CHCHD3: variants seen among roughly 807,000 people sequenced by gnomAD.
CHCHD3 encodes the protein MICOS complex subunit MIC19.
Under a neutral mutation model 38.2 loss-of-function variants are expected in CHCHD3, and 20 were observed. The observed-to-expected ratio is 0.52, with a 90% CI of 0.37 to 0.76. CHCHD3 has a LOEUF of 0.76. Ranked by LOEUF, CHCHD3 falls within the 30% of genes least tolerant of loss-of-function variation. The pLI is 0.00. For missense variants in CHCHD3, 245 were observed against 279.2 expected (o/e 0.88, Z 0.87); for synonymous variants, 82 against 100.0 (o/e 0.82, Z 1.07).
At chr7:132,924,545 T>C (rs1257240497) in intron 4 of CHCHD3, among the ~76,000 whole-genome samples, 2 of 152,104 alleles carry the variant, frequency 1.3e-5, no homozygotes, top group Non-Finnish European at 2.9e-5. Context: ...GTCTCACTGG[T>C]TCTGGTCATA....
chr7:133,024,619 C>T lies in CHCHD3; in HGVS notation c.178G>A (p.Glu60Lys), dbSNP rs1813284075. 1 of 1,610,996 alleles carries T rather than the reference C, an allele frequency of 6.2e-7. No individual in the cohort carries two copies. Among genetic ancestry groups the T allele is most frequent in the Admixed American group, 1.7e-5 (1 of 59,988 alleles). The change falls in exon 3 of 8, where the codon GAA becomes AAA. Residue 60 changes from glutamate to lysine, a missense_variant. By Grantham distance (56) the Glu-to-Lys change is moderately conservative. Coordinates refer to ENST00000262570, the MANE Select transcript of CHCHD3 (RefSeq NM_017812.4). ...SGAYGASVSDEELKRRVAEEL... is the reference protein window; with the variant it reads ...SGAYGASVSDKELKRRVAEEL... ...TCAGCTACTCTTCTTTTCAATTCTT[C>T]ATCAGAAACTAGAATCGATAAAGAG...
At position 132,944,691 on chromosome 7, in the gene CHCHD3, GA is replaced by G. The variant is rs1262381440; in HGVS notation, c.369+30477del. ...CTCCATCCTATCCATACACTCCCCA[GA>G]AGTATATATGCATGGTAAAAACAGG... On this transcript the variant is annotated intron_variant, in intron 4 of 7. Coordinates refer to ENST00000262570, the MANE Select transcript of CHCHD3 (RefSeq NM_017812.4). Among the ~76,000 whole-genome samples the G allele has an allele frequency of 2.0e-5, 3 of 151,802 alleles. No individual in the cohort carries two copies. In the East Asian group the frequency reaches 5.8e-4, roughly 29 times the overall value.
intron 4 of CHCHD3, among the ~76,000 whole-genome samples, chr7:132,888,942 TG>T (rs1809290743): frequency 1.3e-5 from 2 of 152,012 alleles, no homozygotes; most frequent in Non-Finnish European, 2.9e-5. Flanking sequence ...GTGTAAAGTA[TG>T]GTAAGATGTT....
chr7:132,953,033 C>T (rs1340362600), intron 4 of CHCHD3, among the ~76,000 whole-genome samples: 1 of 152,160 alleles, frequency 6.6e-6, no homozygotes, highest in Non-Finnish European at 1.5e-5. Flanking sequence ...CCTACTCTGG[C>T]CAGTGAAAGG....
At chr7:132,815,596 A>G (rs1303443489) in intron 6 of CHCHD3, 8 of 456,378 alleles carry the variant, frequency 1.8e-5, no homozygotes, top group Non-Finnish European at 3.1e-5. Context: ...CAAAATAAAG[A>G]GTCCTGTTTT....
intron 6 of CHCHD3, among the ~76,000 whole-genome samples, chr7:132,811,861 C>A (rs1807079011): frequency 6.6e-6 from 1 of 152,146 alleles, no homozygotes; most frequent in Non-Finnish European, 1.5e-5. Flanking sequence ...TCTCCCCTCT[C>A]TCCACAGACA....
chr7:133,068,534 A>G (rs1358106332), intron 2 of CHCHD3, among the ~76,000 whole-genome samples: 2 of 152,226 alleles, frequency 1.3e-5, no homozygotes, highest in Non-Finnish European at 2.9e-5. Flanking sequence ...CCACTGGGAC[A>G]TGACTTGACC....
At chr7:132,984,631 A>T (rs1173108880) in intron 3 of CHCHD3, among the ~76,000 whole-genome samples, 4 of 121,934 alleles carry the variant, frequency 3.3e-5, no homozygotes, top group African/African-American at 6.8e-5. Context: ...CGTCTCTGCC[A>T]GGCCGCCCAT....
At chr7:132,996,839 G>C (rs1200980050) in intron 3 of CHCHD3, among the ~76,000 whole-genome samples, 3 of 152,174 alleles carry the variant, frequency 2.0e-5, no homozygotes, top group Admixed American at 1.3e-4. Context: ...GGGACGCAAA[G>C]CAAGGGGAAG....
At chr7:132,820,618 T>G (rs113830282) in intron 6 of CHCHD3, among the ~76,000 whole-genome samples, 1,708 of 149,944 alleles carry the variant, frequency 0.011, 11 homozygotes, top group South Asian at 0.022. Flanking sequence ...AGTGTTTTTT[T>G]TTTTTTTTTT....
intron 2 of CHCHD3, chr7:133,051,998 C>G (rs928048710): frequency 1.3e-5 from 2 of 152,140 alleles, no homozygotes; most frequent in South Asian, 4.1e-4. Flanking sequence ...GGTAAAACAG[C>G]CAGTTGGTTA....
At chr7:132,930,162 A>ATTT (rs1810481250) in intron 4 of CHCHD3, among the ~76,000 whole-genome samples, 1 of 131,340 alleles carries the variant, frequency 7.6e-6, no homozygotes, top group African/African-American at 2.7e-5. Context: ...TCCCACTCCT[A>ATTT]ATTTTTTTTT....
At chr7:133,017,603 A>T (rs1248357636) in intron 3 of CHCHD3, among the ~76,000 whole-genome samples, 1 of 152,190 alleles carries the variant, frequency 6.6e-6, no homozygotes, top group Non-Finnish European at 1.5e-5. Context: ...TGTCAAAAGA[A>T]ACATGTGAAC....
chr7:132,837,269 T>TCA (rs1167141143), intron 6 of CHCHD3, among the ~76,000 whole-genome samples: 3 of 152,158 alleles, frequency 2.0e-5, no homozygotes, highest in Admixed American at 1.3e-4. Flanking sequence ...AAAAAGTCAT[T>TCA]ATATCATTAG....
chr7:133,019,108 C>T (rs1320397268), intron 3 of CHCHD3, among the ~76,000 whole-genome samples: 6 of 151,954 alleles, frequency 3.9e-5, no homozygotes, highest in African/African-American at 1.4e-4. Context: ...GTCTCAAACT[C>T]CTGACCTCAG....
chr7:132,811,014 C>T (rs1022699267), intron 6 of CHCHD3, among the ~76,000 whole-genome samples: 2 of 152,166 alleles, frequency 1.3e-5, no homozygotes, highest in African/African-American at 4.8e-5. Flanking sequence ...TCAAAAATCT[C>T]GCCTGGTTCT....
chr7:133,033,747 T>C (rs899886575), intron 2 of CHCHD3, among the ~76,000 whole-genome samples: 3 of 152,210 alleles, frequency 2.0e-5, no homozygotes, highest in African/African-American at 4.8e-5. Context: ...TCTAGCTCCA[T>C]ACTCACCAAA....
chr7:132,939,151 AT>A (rs1810701899), intron 4 of CHCHD3, among the ~76,000 whole-genome samples: 1 of 152,186 alleles, frequency 6.6e-6, no homozygotes, highest in South Asian at 2.1e-4. Flanking sequence ...GGAGTTGAAC[AT>A]TTCCTATCAC....
At chr7:133,078,537 T>G (rs1477620880) in intron 1 of CHCHD3, among the ~76,000 whole-genome samples, 1 of 152,118 alleles carries the variant, frequency 6.6e-6, no homozygotes, top group African/African-American at 2.4e-5. Flanking sequence ...CATATTTATA[T>G]TAAGGGAATG....
Sources: allele counts gnomAD v4.1 joint callset (sites outside exome capture counted in the v4.1 genomes callset), GRCh38; gene constraint gnomAD v4.1.1; transcripts MANE v1.5; gene names NCBI Gene and HGNC (gene_info 2026-07-23, HGNC 2026-07-21).